NPEPL1: variants seen among roughly 807,000 people sequenced by gnomAD.
NPEPL1 encodes probable aminopeptidase NPEPL1.
In NPEPL1, 45 loss-of-function variants were observed where a neutral mutation model predicts 52.4. The observed-to-expected ratio is 0.86, with a 90% confidence interval of 0.68 to 1.10. The LOEUF (loss-of-function observed/expected upper bound fraction) is 1.10. Ranked by LOEUF, NPEPL1 falls within the 50% of genes least tolerant of loss-of-function variation. The pLI is 0.00. For missense variants in NPEPL1, 696 were observed against 710.9 expected (o/e 0.98, Z 0.24); for synonymous variants, 360 against 314.7 (o/e 1.14, Z -1.52).
chr20:58,713,446 C>T lies in NPEPL1; in HGVS notation c.1028C>T (p.Ala343Val). The T allele has an allele frequency of 1.9e-6, 3 of 1,609,332 alleles. No homozygotes were observed. Among genetic ancestry groups the T allele is most frequent in the Non-Finnish European group, 2.5e-6 (3 of 1,177,972 alleles). Residue 343 changes from alanine to valine, a missense_variant, in exon 9 of 12, where the codon GCC becomes GTC. Transcript: ENST00000356091. The surrounding 1 kb of genome is among the most constrained non-coding windows in gnomAD (Gnocchi z 4.6). ...ACGGTGGAAATCAACAACACGGATG[C>T]CGAGGGCAGGCTGGTGCTGGCAGAT... ...GKTVEINNTD[A>V]EGRLVLADGV... is the part of the protein sequence containing the mutation.
upstream of NPEPL1, chr20:58,689,238 A>G (rs2084308354): frequency 6.6e-6 from 1 of 151,990 alleles, no homozygotes; most frequent in Non-Finnish European, 1.5e-5. Flanking sequence ...TGCGCACTTT[A>G]TATCTGGCAC....
At position 58,715,629 on chromosome 20, in the gene NPEPL1, C is replaced by A; in HGVS notation, c.*303C>A. On this transcript the variant is annotated 3_prime_UTR_variant, in exon 12 of 12. Coordinates refer to ENST00000356091, the MANE Select transcript of NPEPL1 (RefSeq NM_024663.4). ...GTGAGGCCTCCTGCCTGCCTGGTGC[C>A]CTGTCCCAGCCCCAGGTCCTGTGCA... is the stretch of plus-strand genomic sequence containing the variant. 1 of 257,772 alleles carries A rather than the reference C, an allele frequency of 3.9e-6. No individual in the cohort carries two copies. Among genetic ancestry groups the A allele is most frequent in the South Asian group, 5.5e-5 (1 of 18,100 alleles). The allele number at this position is 257,772 out of a possible 1,614,324, so 16.0% of individuals were successfully genotyped here.
intron 8 of NPEPL1, chr20:58,712,810 C>A: frequency 1.6e-6 from 1 of 640,976 alleles, no homozygotes; most frequent in Non-Finnish European, 2.9e-6. Flanking sequence ...CAGTGCCTGG[C>A]CCAGGAGCTC....
chr20:58,691,296 A>C (rs1193063016), upstream of NPEPL1: 2 of 652,040 alleles, frequency 3.1e-6, no homozygotes, highest in Non-Finnish European at 5.5e-6. Context: ...AATAAGATCC[A>C]ATTAGCGTTG....
At chr20:58,689,543 G>A (rs2084312976), upstream of NPEPL1, among the ~76,000 whole-genome samples, 1 of 152,206 alleles carries the variant, frequency 6.6e-6, no homozygotes, top group African/African-American at 2.4e-5. Context: ...TTACAGGCCT[G>A]AGCCACGGGG....
intron 6 of NPEPL1, 97 bp from the exon 7 acceptor site, chr20:58,707,025 TG>T: frequency 2.0e-6 from 2 of 1,006,598 alleles, no homozygotes; most frequent in Non-Finnish European, 2.7e-6. Flanking sequence ...CTGGGGAAGG[TG>T]GGGCTAGCGT....
chr20:58,712,905 T>C, intron 8 of NPEPL1: 1 of 416,230 alleles, frequency 2.4e-6, no homozygotes, highest in South Asian at 2.0e-5. Context: ...ACCCCCAGAT[T>C]CCCTGCTCGG....
At chr20:58,701,507 C>T (rs6070555) in intron 6 of NPEPL1, among the ~76,000 whole-genome samples, 3 of 152,010 alleles carry the variant, frequency 2.0e-5, no homozygotes, top group African/African-American at 4.8e-5. Context: ...TTCCCATGTG[C>T]TGAGGCGACA....
chr20:58,692,970 C>T lies in NPEPL1; in HGVS notation c.70C>T (p.Leu24=). Residue 24 remains leucine, a synonymous_variant, in exon 1 of 12, where the codon CTG becomes TTG. Transcript: ENST00000356091. This position sits in a 1 kb window ranked among gnomAD's most constrained non-coding sequence, Gnocchi z 5.7. ...GGACCCACAGAGCCGGCCCCTGCTG[C>T]TGCTCGGGCAGCTGCACCACCTGCA... ...DSDPQSRPLL[L]LGQLHHLHRV... is the part of the protein sequence containing the mutation. 1 of 1,192,408 alleles carries T rather than the reference C, an allele frequency of 8.4e-7. No individual in the cohort carries two copies. Among genetic ancestry groups the T allele is most frequent in the Non-Finnish European group, 1.1e-6 (1 of 942,738 alleles). 73.9% of individuals were successfully genotyped at this position (1,192,408 alleles called of 1,614,324 possible).
chr20:58,711,951 C>T (rs1167744425), intron 7 of NPEPL1, among the ~76,000 whole-genome samples: 3 of 98,956 alleles, frequency 3.0e-5, no homozygotes, highest in East Asian at 3.4e-4. Flanking sequence ...TGGCCCGCTT[C>T]GGGGTCAGGG....
chr20:58,708,091 A>T (rs1434307429), intron 7 of NPEPL1, among the ~76,000 whole-genome samples: 1 of 152,166 alleles, frequency 6.6e-6, no homozygotes, highest in Non-Finnish European at 1.5e-5. Flanking sequence ...CTAAAGAAAC[A>T]GGCCAATGAG....
In NPEPL1 at chr20:58,707,228, G is replaced by C. The variant is rs149402448; in HGVS notation, c.900+28G>C. 1.2e-3 allele frequency: 1,828 copies of C among 1,533,736 alleles called. 10 individuals are homozygous for C. The highest frequency in any genetic ancestry group is 0.01 in the Middle Eastern group (52 of 4,980). ...GAGTGGGCCCTGCCCGCCCTCTGCA[G>C]GGGCATCCTGGGTGTGCCTCGTGGG... On this transcript the variant is annotated intron_variant, in intron 7 of 11. Transcript: ENST00000356091.
intron 5 of NPEPL1, among the ~76,000 whole-genome samples, chr20:58,699,794 T>G (rs2084576436): frequency 6.6e-6 from 1 of 152,192 alleles, no homozygotes; most frequent in African/African-American, 2.4e-5. Context: ...CAGATAAGTA[T>G]GACTCAGCTG....
At position 58,712,532 on chromosome 20, in the gene NPEPL1, G is replaced by T. The variant is rs2084871570; in HGVS notation, c.954G>T (p.Gly318=). 6.2e-7 allele frequency: 1 copy of T among 1,613,450 alleles called. No homozygotes were observed. ...AVFCLAENSV[G]PNATRPDDIH... is the part of the protein sequence containing the mutation. ...TCTGCTTGGCTGAGAACTCGGTGGG[G>T]CCCAATGCGACAAGGCCAGATGACA... The change falls in exon 8 of 12, where the codon GGG becomes GGT. Residue 318 remains glycine (G), a synonymous_variant. Coordinates refer to ENST00000356091, the MANE Select transcript of NPEPL1 (RefSeq NM_024663.4).
At chr20:58,694,644 A>T in intron 3 of NPEPL1, 52 bp downstream of exon 3, 1 of 1,535,432 alleles carries the variant, frequency 6.5e-7, no homozygotes, top group Non-Finnish European at 8.8e-7. Flanking sequence ...AAGATCGGGC[A>T]GGTGGGAGGG....
Position 58,713,711 on chromosome 20 carries a change from C to T in NPEPL1, c.1125+168C>T, listed in dbSNP as rs999065117. On this transcript the variant is annotated intron_variant, in intron 9 of 11. Transcript: ENST00000356091. The surrounding 1 kb of genome is among the most constrained non-coding windows in gnomAD (Gnocchi z 4.6). ...CCGTCAAGCTTGGTGTGGGCAGTAC[C>T]GAGGCCCAGGCTGGATGCAGAGCCG... The T allele has an allele frequency of 2.8e-5, 32 of 1,128,814 alleles. No homozygotes were observed. The highest frequency in any genetic ancestry group is 2.5e-4 in the African/African-American group (16 of 63,778). 69.9% of individuals were successfully genotyped at this position (1,128,814 alleles called of 1,614,324 possible).
upstream of NPEPL1, among the ~76,000 whole-genome samples, chr20:58,690,285 A>G (rs567499928): frequency 5.2e-5 from 8 of 152,384 alleles, no homozygotes; most frequent in East Asian, 9.6e-4. Flanking sequence ...CATCAAAAAC[A>G]TAAGTTGATT....
rs1318565043 is a variant in NPEPL1 at position 58,712,465 on chromosome 20, A to T, written c.901-14A>T. The T allele has an allele frequency of 1.2e-5, 19 of 1,595,554 alleles. No homozygotes were observed. Among genetic ancestry groups the T allele is most frequent in the Non-Finnish European group, 1.6e-5 (19 of 1,164,728 alleles). On this transcript the variant is annotated splice_polypyrimidine_tract_variant and intron_variant, in intron 7 of 11. Coordinates refer to ENST00000356091, the MANE Select transcript of NPEPL1 (RefSeq NM_024663.4). ...TGACCTACAACTGGAGCCTCTGCCCACTTCTCCCTCCAGGGTTTCAAAGAC... is the reference window on the plus strand; with the variant it reads ...TGACCTACAACTGGAGCCTCTGCCCTCTTCTCCCTCCAGGGTTTCAAAGAC...
intron 6 of NPEPL1, among the ~76,000 whole-genome samples, chr20:58,705,866 T>G (rs925843058): frequency 6.6e-6 from 1 of 152,224 alleles, no homozygotes; most frequent in African/African-American, 2.4e-5. Context: ...AACAATCCTG[T>G]GCTTTCTCAA....
Sources: gnomAD v4.1 joint callset for allele counts (sites outside exome capture counted in the v4.1 genomes callset) on GRCh38, gnomAD v4.1.1 for gene constraint, Gnocchi (gnomAD v3.1) non-coding constraint, MANE v1.5 for transcripts, NCBI Gene and HGNC (gene_info 2026-07-23, HGNC 2026-07-21) for gene names.